Variants in RIT2 observed in about 807,000 individuals in gnomAD.
The protein encoded by RIT2 is Ras like without CAAX 2, also known as GTP-binding protein Rit2.
A neutral mutation model predicts 23.7 loss-of-function variants in RIT2; 24 were observed. That is an observed-to-expected ratio of 1.01 (90% confidence interval 0.73 to 1.43). RIT2 has a LOEUF of 1.43. Among genes scored for constraint, RIT2 ranks in the 40% most tolerant of loss-of-function variants. RIT2 has a pLI of 0.00. For missense variants in RIT2, 236 were observed against 266.9 expected, an observed-to-expected ratio of 0.88 and a Z score of 0.81; for synonymous variants, 107 against 91.1, an observed-to-expected ratio of 1.17 and a Z score of -0.99.
chr18:42,858,441 G>A (rs977828071), intron 4 of RIT2, among the ~76,000 whole-genome samples: 6 of 152,228 alleles, frequency 3.9e-5, no homozygotes, highest in African/African-American at 7.2e-5. Context: ...GCACAAGAAC[G>A]GGAGAGGAGA....
chr18:42,823,637 A>G (rs1906211346), intron 4 of RIT2, among the ~76,000 whole-genome samples: 1 of 152,184 alleles, frequency 6.6e-6, no homozygotes, highest in East Asian at 1.9e-4. Flanking sequence ...CTAATTATAA[A>G]AAGAGAATGT....
chr18:42,788,240 T>C (rs1313082248), intron 4 of RIT2, among the ~76,000 whole-genome samples: 1 of 152,168 alleles, frequency 6.6e-6, no homozygotes, highest in Non-Finnish European at 1.5e-5. Flanking sequence ...GCTAATATAT[T>C]GTTTAGTTAA....
intron 4 of RIT2, among the ~76,000 whole-genome samples, chr18:42,793,511 C>G (rs1914088448): frequency 6.6e-6 from 1 of 152,086 alleles, no homozygotes; most frequent in South Asian, 2.1e-4. Flanking sequence ...AGGAAAAGGT[C>G]TCATTAAGGG....
At chr18:42,763,096 A>G (rs563217535) in intron 4 of RIT2, among the ~76,000 whole-genome samples, 1 of 152,318 alleles carries the variant, frequency 6.6e-6, no homozygotes, top group East Asian at 1.9e-4. Context: ...ACTGTGGGCA[A>G]TTGTAGCACA....
chr18:42,906,005 T>C (rs1190296683), intron 4 of RIT2, among the ~76,000 whole-genome samples: 1 of 1,858 alleles, frequency 5.4e-4, no homozygotes, highest in Admixed American at 6.8e-3. Flanking sequence ...TATATATATA[T>C]ACATATATAT....
At chr18:42,849,009 T>A (rs1906979921) in intron 4 of RIT2, among the ~76,000 whole-genome samples, 1 of 152,172 alleles carries the variant, frequency 6.6e-6, no homozygotes, top group African/African-American at 2.4e-5. Flanking sequence ...AAAAAACGAT[T>A]TTATATGTGT....
chr18:42,855,499 C>G (rs1005677407), intron 4 of RIT2, among the ~76,000 whole-genome samples: 3 of 152,108 alleles, frequency 2.0e-5, no homozygotes, highest in East Asian at 3.9e-4. Flanking sequence ...CTGACAAAAC[C>G]TGTAATGAGA....
At chr18:43,072,989 C>T (rs1048883193) in intron 1 of RIT2, among the ~76,000 whole-genome samples, 4 of 152,132 alleles carry the variant, frequency 2.6e-5, no homozygotes, top group African/African-American at 7.2e-5. Context: ...CCCCATATAC[C>T]CTTTCCGTAT....
chr18:43,011,037 T>C (rs1409484401), intron 2 of RIT2, among the ~76,000 whole-genome samples: 3 of 151,752 alleles, frequency 2.0e-5, no homozygotes, highest in Non-Finnish European at 4.4e-5. Context: ...TAATGATAAA[T>C]GTTATACAGA....
At chr18:42,830,575 G>A (rs536221373) in intron 4 of RIT2, among the ~76,000 whole-genome samples, 19 of 152,256 alleles carry the variant, frequency 1.2e-4, no homozygotes, top group South Asian at 4.1e-4. Flanking sequence ...CTTTGGATCC[G>A]TAACGTGTAT....
At chr18:42,918,930 G>A (rs956639144) in intron 4 of RIT2, among the ~76,000 whole-genome samples, 2 of 152,086 alleles carry the variant, frequency 1.3e-5, no homozygotes, top group African/African-American at 4.8e-5. Flanking sequence ...TTCTTCAAAT[G>A]TGCTACCCAC....
chr18:43,092,767 G>A (rs1229795234), intron 1 of RIT2, among the ~76,000 whole-genome samples: 1 of 152,020 alleles, frequency 6.6e-6, no homozygotes, highest in Admixed American at 6.6e-5. Flanking sequence ...AGGCAAGAGA[G>A]TATTATGTAA....
chr18:42,789,540 C>A (rs1317596887), intron 4 of RIT2, among the ~76,000 whole-genome samples: 1 of 152,100 alleles, frequency 6.6e-6, no homozygotes, highest in Non-Finnish European at 1.5e-5. Flanking sequence ...TTGTAGAGAT[C>A]TTTCACCTCT....
intron 4 of RIT2, among the ~76,000 whole-genome samples, chr18:42,911,704 C>T (rs1307732917): frequency 6.6e-6 from 1 of 151,882 alleles, no homozygotes; most frequent in Non-Finnish European, 1.5e-5. Flanking sequence ...GAATAAAACA[C>T]TTCTTGAAGA....
At chr18:42,881,327 T>C (rs1243486318) in intron 4 of RIT2, among the ~76,000 whole-genome samples, 1 of 152,228 alleles carries the variant, frequency 6.6e-6, no homozygotes, top group African/African-American at 2.4e-5. Flanking sequence ...TGCTCAATTT[T>C]TGCATGTCTT....
chr18:42,938,259 C>T (rs1167612294), intron 3 of RIT2, among the ~76,000 whole-genome samples: 1 of 152,068 alleles, frequency 6.6e-6, no homozygotes, highest in East Asian at 1.9e-4. Flanking sequence ...AAACAAGGGG[C>T]TTTCAAGGAA....
chr18:43,092,762 A>G (rs1260877537), intron 1 of RIT2, among the ~76,000 whole-genome samples: 1 of 152,054 alleles, frequency 6.6e-6, no homozygotes, highest in Non-Finnish European at 1.5e-5. Flanking sequence ...CAGTGAGGCA[A>G]GAGAGTATTA....
chr18:43,089,701 A>G (rs951533037), intron 1 of RIT2, among the ~76,000 whole-genome samples: 16 of 152,082 alleles, frequency 1.1e-4, no homozygotes, highest in South Asian at 2.1e-4. Context: ...ACATAGACCA[A>G]TGAAACAGCA....
intron 1 of RIT2, among the ~76,000 whole-genome samples, chr18:43,107,544 G>T (rs148424173): frequency 0.011 from 1,750 of 152,184 alleles, 37 homozygotes; most frequent in African/African-American, 0.039. Context: ...TTCAAAAATC[G>T]GTATGGTTTA....
Sources: allele counts gnomAD v4.1 joint callset (sites outside exome capture counted in the v4.1 genomes callset), GRCh38; gene constraint gnomAD v4.1.1; transcripts MANE v1.5; gene names NCBI Gene and HGNC (gene_info 2026-07-23, HGNC 2026-07-21).